KIZ: variants seen among roughly 807,000 people sequenced by gnomAD.
The protein encoded by KIZ is centrosomal protein kizuna.
KIZ carries 68 observed loss-of-function variants against 79.6 expected under a neutral mutation model. The observed-to-expected ratio is 0.85, with a 90% CI of 0.70 to 1.05. The LOEUF (loss-of-function observed/expected upper bound fraction) is 1.05, where lower values mean the gene tolerates loss of function less well. Ranked by LOEUF, KIZ falls within the 50% of genes least tolerant of loss-of-function variation. KIZ has a pLI of 0.00. For missense variants in KIZ, 797 were observed against 800.4 expected (o/e 1.00, Z 0.05); for synonymous variants, 280 against 281.8 (o/e 0.99, Z 0.06).
At chr20:21,140,055 A>G (rs1050947140) in intron 3 of KIZ, among the ~76,000 whole-genome samples, 2 of 152,186 alleles carry the variant, frequency 1.3e-5, no homozygotes, top group African/African-American at 4.8e-5. Context: ...CAGTGATCCC[A>G]TCTTCTTCAG....
At chr20:21,216,111 A>G (rs1028955150) in intron 9 of KIZ, among the ~76,000 whole-genome samples, 1 of 152,246 alleles carries the variant, frequency 6.6e-6, no homozygotes, top group Non-Finnish European at 1.5e-5. Flanking sequence ...ATAATTTAAA[A>G]ATTGTACCAA....
In KIZ at chr20:21,162,295, C is replaced by T. The variant is rs372338345; in HGVS notation, c.830C>T (p.Pro277Leu). ...EGKKSAELNSPLRERLSPENR... is the reference protein window; with the variant it reads ...EGKKSAELNSLLRERLSPENR... ...AAAAAGTCTGCTGAACTCAATTCCC[C>T]GTTACGGGAAAGATTAAGTCCAGAG... The change falls in exon 5 of 13, where the codon CCG (proline) becomes CTG (leucine). Residue 277 changes from proline to leucine, a missense_variant. By Grantham distance (98) the Pro-to-Leu change is moderately conservative. Transcript: ENST00000619189. 72 of 1,613,580 alleles carry T rather than the reference C, an allele frequency of 4.5e-5. No individual in the cohort carries two copies. Among genetic ancestry groups the T allele is most frequent in the African/African-American group, 8.0e-5 (6 of 74,890 alleles).
intron 6 of KIZ, among the ~76,000 whole-genome samples, chr20:21,168,280 A>G (rs1356403610): frequency 6.6e-6 from 1 of 152,192 alleles, no homozygotes; most frequent in Admixed American, 6.5e-5. Context: ...ATAGTATTCC[A>G]TGGTGTATAT....
chr20:21,243,660 T>A (rs1156366967), intron 11 of KIZ, among the ~76,000 whole-genome samples: 1 of 152,250 alleles, frequency 6.6e-6, no homozygotes, highest in Admixed American at 6.5e-5. Flanking sequence ...GCCAGTTTTC[T>A]TGTCATATTG....
At position 21,199,923 on chromosome 20, in the gene KIZ, A is replaced by G. The variant is rs549055527; in HGVS notation, c.1353-5568A>G. 2.6e-5 allele frequency among the ~76,000 whole-genome samples: 4 copies of G among 152,078 alleles called. No individual in the cohort carries two copies. The East Asian group carries it at 7.7e-4, about 29-fold the overall frequency. On this transcript the variant is annotated intron_variant, in intron 6 of 12. Transcript: ENST00000619189. ...AACCTCTGCCTCCTGAGCTCAAGAG[A>G]TTCTTGTGCCTCAGCCTCCTGAGTA...
intron 1 of KIZ, among the ~76,000 whole-genome samples, chr20:21,129,731 C>CAA (rs1358405199): frequency 2.4e-5 from 3 of 126,984 alleles, no homozygotes; most frequent in Non-Finnish European, 3.4e-5. Flanking sequence ...GACTCCATCT[C>CAA]AAAAAAAAAA....
chr20:21,167,971 G>GTA (rs2034023659), intron 6 of KIZ, among the ~76,000 whole-genome samples: 1 of 152,034 alleles, frequency 6.6e-6, no homozygotes, highest in Non-Finnish European at 1.5e-5. Context: ...TGCACAACAT[G>GTA]CAGGTTAGTT....
intron 6 of KIZ, among the ~76,000 whole-genome samples, chr20:21,200,699 C>T (rs1336339119): frequency 6.6e-6 from 1 of 152,108 alleles, no homozygotes; most frequent in Non-Finnish European, 1.5e-5. Flanking sequence ...TGCCACTCAC[C>T]TCCTGCTTTG....
chr20:21,182,261 C>T lies in KIZ; in HGVS notation c.1352+19102C>T, dbSNP rs2034686119. Among the ~76,000 whole-genome samples the T allele has an allele frequency of 1.3e-5, 2 of 152,110 alleles. 1 individual carries two copies. The highest frequency in any genetic ancestry group is 4.1e-4 in the South Asian group (2 of 4,824). On this transcript the variant is annotated intron_variant, in intron 6 of 12. Coordinates refer to ENST00000619189, the MANE Select transcript of KIZ (RefSeq NM_018474.6). ...GTCTCGCCCCCACCGTCTGAGGACA[C>T]AGTGAGGAGTCAGAAGGTGGATAAA...
At chr20:21,214,399 C>T in intron 7 of KIZ, 136 bp from the exon 8 acceptor site, 2 of 589,388 alleles carry the variant, frequency 3.4e-6, no homozygotes, top group Non-Finnish European at 5.8e-6. Flanking sequence ...ATTTTAATTT[C>T]ATTTAAATGT....
At chr20:21,132,064 A>C in intron 1 of KIZ, 33 bp from the exon 2 acceptor site, 1 of 878,796 alleles carries the variant, frequency 1.1e-6, no homozygotes. Flanking sequence ...GTTACTTATC[A>C]TGTAATTACT....
chr20:21,153,943 A>T (rs907222880), intron 4 of KIZ: 2 of 152,186 alleles, frequency 1.3e-5, no homozygotes, highest in African/African-American at 4.8e-5. Context: ...CAACATATGA[A>T]TTGGACACAA....
At chr20:21,166,585 C>G (rs764453198) in intron 6 of KIZ, 3 of 1,340,202 alleles carry the variant, frequency 2.2e-6, no homozygotes, top group Non-Finnish European at 2.1e-6. Context: ...CCAGGACATT[C>G]ATGCGCACCA....
intron 4 of KIZ, among the ~76,000 whole-genome samples, chr20:21,146,042 A>G (rs2032828672): frequency 1.3e-5 from 2 of 152,196 alleles, no homozygotes; most frequent in Non-Finnish European, 2.9e-5. Flanking sequence ...TAACCTTTGC[A>G]CAGAAAACGT....
intron 10 of KIZ, among the ~76,000 whole-genome samples, chr20:21,230,173 G>T (rs1455669457): frequency 6.6e-6 from 1 of 152,134 alleles, no homozygotes; most frequent in African/African-American, 2.4e-5. Flanking sequence ...TTTCCCAGTT[G>T]TCTCAAGGAT....
chr20:21,224,070 C>T (rs894629165), intron 9 of KIZ, among the ~76,000 whole-genome samples: 6 of 151,954 alleles, frequency 3.9e-5, no homozygotes, highest in African/African-American at 7.3e-5. Flanking sequence ...CTCGGGTCAC[C>T]GCAACCTCCG....
At chr20:21,151,028 A>G (rs1015619077) in intron 4 of KIZ, 3 of 152,134 alleles carry the variant, frequency 2.0e-5, no homozygotes, top group Non-Finnish European at 4.4e-5. Flanking sequence ...GCACTATTCT[A>G]AGGATTTTAT....
chr20:21,140,008 TGCCTACGAACCCAGACAGCAATGTCAGCG>T (rs1295168719), intron 3 of KIZ, among the ~76,000 whole-genome samples: 1 of 152,210 alleles, frequency 6.6e-6, no homozygotes, highest in Non-Finnish European at 1.5e-5. Flanking sequence ...GTTTGTTGTG[TGCCTACGAACCCAGACAGCAATGTCAGCG>T]ACCCCTCCAG....
intron 6 of KIZ, among the ~76,000 whole-genome samples, chr20:21,165,007 T>G (rs931028264): frequency 6.6e-6 from 1 of 152,156 alleles, no homozygotes; most frequent in Admixed American, 6.6e-5. Flanking sequence ...AGGCCCCACA[T>G]TTTCTTAATT....
Sources: gnomAD v4.1 joint callset for allele counts (sites outside exome capture counted in the v4.1 genomes callset) on GRCh38, gnomAD v4.1.1 for gene constraint, MANE v1.5 for transcripts, NCBI Gene and HGNC (gene_info 2026-07-23, HGNC 2026-07-21) for gene names.